Variants in MYO16 observed in about 807,000 individuals in gnomAD.
MYO16 encodes the protein myosin XVI.
Under a neutral mutation model 205.3 loss-of-function variants are expected in MYO16, and 94 were observed. The ratio of observed to expected loss-of-function variants is 0.46; its 90% confidence interval spans 0.39 to 0.54. The LOEUF (loss-of-function observed/expected upper bound fraction) is 0.54, where lower values mean the gene tolerates loss of function less well. Ranked by LOEUF, MYO16 falls within the 20% of genes least tolerant of loss-of-function variation. The pLI is 0.00. For synonymous variants in MYO16, 988 were observed against 954.0 expected, an observed-to-expected ratio of 1.04 and a Z score of -0.66; for missense variants, 2,315 against 2,387.5, an observed-to-expected ratio of 0.97 and a Z score of 0.63.
At chr13:108,844,750 A>C (rs1477818011) in intron 10 of MYO16, among the ~76,000 whole-genome samples, 1 of 152,206 alleles carries the variant, frequency 6.6e-6, no homozygotes, top group Non-Finnish European at 1.5e-5. Context: ...CCAGCGCATT[A>C]GTTCTTGAAT....
intron 13 of MYO16, among the ~76,000 whole-genome samples, chr13:108,886,179 A>G (rs1031148001): frequency 1.3e-4 from 20 of 152,080 alleles, no homozygotes; most frequent in South Asian, 4.1e-4. Context: ...AGTAGAGACG[A>G]GGTTTCACCG....
Position 108,695,211 on chromosome 13 carries a change from T to G in MYO16, c.293-17450T>G, listed in dbSNP as rs558117116. On this transcript the variant is annotated intron_variant, in intron 2 of 34. Coordinates refer to ENST00000457511, the MANE Select transcript of MYO16 (RefSeq NM_001198950.3). ...TATTAGTTTTATATATGTTGTGAGG[T>G]AACATACCACCTTCATTATTTTGCA... 3.3e-5 allele frequency among the ~76,000 whole-genome samples: 5 copies of G among 152,304 alleles called. No homozygotes were observed. The East Asian group carries it at 9.7e-4, about 29-fold the overall frequency.
At chr13:108,885,715 G>C (rs1879837820) in intron 13 of MYO16, among the ~76,000 whole-genome samples, 1 of 152,028 alleles carries the variant, frequency 6.6e-6, no homozygotes, top group Admixed American at 6.6e-5. Context: ...CATAACTTTT[G>C]AGTGCTCCCA....
chr13:108,910,960 T>C (rs1881228061), intron 16 of MYO16, among the ~76,000 whole-genome samples: 1 of 151,678 alleles, frequency 6.6e-6, no homozygotes, highest in African/African-American at 2.4e-5. Context: ...TGTTTATTAT[T>C]AGATCTAGGG....
In MYO16 at chr13:109,172,164, T is replaced by G. The variant is rs146921699; in HGVS notation, c.5323+7105T>G. Among the ~76,000 whole-genome samples, 325 of 152,336 alleles carry G rather than the reference T, an allele frequency of 2.1e-3. 2 individuals are homozygous for G. The Middle Eastern group carries it at 0.034, about 16-fold the overall frequency. On this transcript the variant is annotated intron_variant, in intron 33 of 34. Transcript: ENST00000457511. ...AGCCTTTGGTTGGAACCCATAAATATCTTTAATATGTATTTTACAACATCA... is the reference window on the plus strand; with the variant it reads ...AGCCTTTGGTTGGAACCCATAAATAGCTTTAATATGTATTTTACAACATCA...
At chr13:108,610,270 G>A (rs1377424764) in intron 1 of MYO16, among the ~76,000 whole-genome samples, 3 of 152,104 alleles carry the variant, frequency 2.0e-5, no homozygotes, top group Non-Finnish European at 4.4e-5. Flanking sequence ...TAGTCAGAAT[G>A]TACTGTGTGT....
rs1594507476 is a variant in MYO16 at position 109,055,674 on chromosome 13, G to T, written c.3335+79G>T. 1 of 1,312,222 alleles carries T rather than the reference G, an allele frequency of 7.6e-7. No individual in the cohort carries two copies. The highest frequency in any genetic ancestry group is 2.3e-5 in the East Asian group (1 of 43,008). 81.3% of individuals were successfully genotyped at this position (1,312,222 alleles called of 1,614,324 possible). A position where few individuals can be genotyped will look rare whatever the true frequency, so the allele number is the denominator to read the frequency against. On this transcript the variant is annotated intron_variant, in intron 27 of 34. Coordinates refer to ENST00000457511, the MANE Select transcript of MYO16 (RefSeq NM_001198950.3). The surrounding 1 kb of genome is among the most constrained non-coding windows in gnomAD (Gnocchi z 5.0). ...ACTGACACTGACACTATTGTAGCAA[G>T]GGTCTTCTGTTGTCTTTTTTGGCAC...
chr13:108,680,024 T>G (rs887173091), intron 2 of MYO16, among the ~76,000 whole-genome samples: 5 of 151,636 alleles, frequency 3.3e-5, no homozygotes, highest in Non-Finnish European at 7.4e-5. Flanking sequence ...CATTCATCAC[T>G]TAGATCCCAG....
At chr13:109,060,848 A>G (rs1887570489) in intron 27 of MYO16, among the ~76,000 whole-genome samples, 1 of 152,200 alleles carries the variant, frequency 6.6e-6, no homozygotes, top group Non-Finnish European at 1.5e-5. Context: ...CTTTGAAGCC[A>G]GGTATTGTCC....
At chr13:108,867,781 A>C (rs1354783507) in intron 12 of MYO16, among the ~76,000 whole-genome samples, 1 of 152,236 alleles carries the variant, frequency 6.6e-6, no homozygotes, top group East Asian at 1.9e-4. Flanking sequence ...GAAATAGAGC[A>C]TTAGCAGGAT....
chr13:108,869,731 T>TAAAAAAAAAAAAAAAAA (rs68025820), intron 12 of MYO16, among the ~76,000 whole-genome samples: 1 of 67,024 alleles, frequency 1.5e-5, no homozygotes, highest in Non-Finnish European at 2.8e-5. Context: ...ACTCCGTTTC[T>TAAAAAAAAAAAAAAAAA]AAAAAAAAAA....
At position 108,785,813 on chromosome 13, in the gene MYO16, C is replaced by T. The variant is rs147877704; in HGVS notation, c.616+70C>T. On this transcript the variant is annotated intron_variant, in intron 5 of 34. Coordinates refer to ENST00000457511, the MANE Select transcript of MYO16 (RefSeq NM_001198950.3). ...AATTGTAAGTGTGTATTCATTTTCA[C>T]AGGTTTGCTTACATGATTTCCGATG... 22 of 1,033,382 alleles carry T rather than the reference C, an allele frequency of 2.1e-5. No individual in the cohort carries two copies. The East Asian group carries it at 5.3e-4, about 25-fold the overall frequency. The allele number at this position is 1,033,382 out of a possible 1,614,324, so 64.0% of individuals were successfully genotyped here. A position where few individuals can be genotyped will look rare whatever the true frequency, so the allele number is the denominator to read the frequency against.
the MYO16 span, among the ~76,000 whole-genome samples, chr13:108,566,665 AGAAG>A: frequency 6.8e-4 from 102 of 149,886 alleles, no homozygotes; most frequent in Middle Eastern, 3.4e-3. Flanking sequence ...AAAGAAGGAA[AGAAG>A]GAAGGAAGGA....
At chr13:108,638,516 T>A (rs1880359547) in intron 1 of MYO16, among the ~76,000 whole-genome samples, 1 of 152,136 alleles carries the variant, frequency 6.6e-6, no homozygotes, top group African/African-American at 2.4e-5. Context: ...TGGTTCCAGT[T>A]TATCTCAAAT....
At chr13:108,968,518 C>T (rs1005337309) in intron 20 of MYO16, among the ~76,000 whole-genome samples, 14 of 152,018 alleles carry the variant, frequency 9.2e-5, no homozygotes, top group African/African-American at 2.7e-4. Context: ...CCCAGCTACT[C>T]GGGAGGCTGA....
chr13:108,886,568 AG>A (rs920242817), intron 13 of MYO16: 1 of 448,206 alleles, frequency 2.2e-6, no homozygotes, highest in African/African-American at 2.0e-5. Flanking sequence ...ACCAGAGCTT[AG>A]GGCGCAAACT....
intron 21 of MYO16, among the ~76,000 whole-genome samples, chr13:109,000,105 A>G (rs1357069430): frequency 3.3e-5 from 5 of 152,240 alleles, no homozygotes; most frequent in Admixed American, 1.3e-4. Flanking sequence ...ATTTGAAACC[A>G]TCTATCAGAT....
chr13:108,827,876 A>G (rs1401805493), intron 9 of MYO16, among the ~76,000 whole-genome samples: 1 of 152,200 alleles, frequency 6.6e-6, no homozygotes, highest in Admixed American at 6.5e-5. Context: ...ATCACTGAGC[A>G]GTTTGGATAT....
chr13:108,923,134 A>G (rs985561441), intron 16 of MYO16, among the ~76,000 whole-genome samples: 19 of 152,224 alleles, frequency 1.2e-4, no homozygotes, highest in Non-Finnish European at 2.6e-4. Flanking sequence ...GACCCACAAA[A>G]GGACAGGAGC....
Sources: gnomAD v4.1 joint callset for allele counts (sites outside exome capture counted in the v4.1 genomes callset) on GRCh38, gnomAD v4.1.1 for gene constraint, Gnocchi (gnomAD v3.1) non-coding constraint, MANE v1.5 for transcripts, NCBI Gene and HGNC (gene_info 2026-07-23, HGNC 2026-07-21) for gene names.